Variants in MEOX2 observed in about 807,000 individuals in gnomAD.
MEOX2 encodes the protein homeobox protein MOX-2.
MEOX2 carries 11 observed loss-of-function variants against 27.0 expected under a neutral mutation model. That is an observed-to-expected ratio of 0.41 (90% CI 0.26 to 0.68). The LOEUF is 0.68. Among genes scored for constraint, MEOX2 ranks in the 30% least tolerant of loss-of-function variants. The pLI is 0.33. For missense variants in MEOX2, 436 were observed against 385.4 expected, an observed-to-expected ratio of 1.13 and a Z score of -1.10; for synonymous variants, 189 against 155.4, an observed-to-expected ratio of 1.22 and a Z score of -1.61.
chr7:15,624,053 T>C (rs371500925), intron 2 of MEOX2, among the ~76,000 whole-genome samples: 2 of 152,218 alleles, frequency 1.3e-5, no homozygotes, highest in South Asian at 2.1e-4. Context: ...CAAATCTACA[T>C]AGAAGAAAGA....
intron 2 of MEOX2, among the ~76,000 whole-genome samples, chr7:15,624,757 T>A (rs1401269738): frequency 6.6e-6 from 1 of 152,158 alleles, no homozygotes; most frequent in Non-Finnish European, 1.5e-5. Context: ...AAAACTTTGG[T>A]TATTATTTGA....
intron 1 of MEOX2, among the ~76,000 whole-genome samples, chr7:15,635,625 T>C (rs890172282): frequency 1.3e-5 from 2 of 152,028 alleles, no homozygotes; most frequent in African/African-American, 2.4e-5. Flanking sequence ...GCCTTAGCAA[T>C]TGAAAATTAT....
intron 1 of MEOX2, among the ~76,000 whole-genome samples, chr7:15,659,863 T>C (rs1007650688): frequency 6.6e-6 from 1 of 152,078 alleles, no homozygotes; most frequent in East Asian, 1.9e-4. Flanking sequence ...TATTCAAATA[T>C]TTATTTTATT....
In MEOX2 at chr7:15,657,365, T is replaced by C. The variant is rs1781839331; in HGVS notation, c.517+28521A>G. 2.0e-5 allele frequency among the ~76,000 whole-genome samples: 3 copies of C among 152,150 alleles called. No individual in the cohort carries two copies. The South Asian group carries it at 6.2e-4, about 32-fold the overall frequency. ...TTGGTCACAGTCTCACAGATCCATA[T>C]GGTAAAAATTTTTTTTCAATTTTCT... On this transcript the variant is annotated intron_variant, in intron 1 of 2. Coordinates refer to ENST00000262041, the MANE Select transcript of MEOX2 (RefSeq NM_005924.5).
chr7:15,629,836 C>A (rs1335090122), intron 1 of MEOX2, among the ~76,000 whole-genome samples: 1 of 152,046 alleles, frequency 6.6e-6, no homozygotes, highest in African/African-American at 2.4e-5. Flanking sequence ...ACTGCCATTA[C>A]CCAGCTAGAC....
intron 1 of MEOX2, among the ~76,000 whole-genome samples, chr7:15,641,307 A>C (rs1781557117): frequency 6.6e-6 from 1 of 152,110 alleles, no homozygotes; most frequent in Admixed American, 6.5e-5. Flanking sequence ...AGGGTAGTTA[A>C]ATCTTACTGA....
chr7:15,684,877 A>G (rs919988414), intron 1 of MEOX2, among the ~76,000 whole-genome samples: 1 of 152,260 alleles, frequency 6.6e-6, no homozygotes, highest in Non-Finnish European at 1.5e-5. Context: ...ACAGGTAGGT[A>G]AGAGCTTTGA....
intron 1 of MEOX2, among the ~76,000 whole-genome samples, chr7:15,676,523 A>C (rs1178263983): frequency 6.6e-6 from 1 of 152,138 alleles, no homozygotes; most frequent in African/African-American, 2.4e-5. Flanking sequence ...CCTTTTATTT[A>C]AATTCTGTTT....
intron 1 of MEOX2, among the ~76,000 whole-genome samples, chr7:15,641,689 T>C (rs530172110): frequency 1.6e-4 from 24 of 152,292 alleles, no homozygotes; most frequent in South Asian, 6.2e-4. Flanking sequence ...GTCCCAATTG[T>C]GTAATTGCTT....
At chr7:15,650,956 T>C (rs1322528225) in intron 1 of MEOX2, among the ~76,000 whole-genome samples, 3 of 151,886 alleles carry the variant, frequency 2.0e-5, no homozygotes, top group African/African-American at 2.4e-5. Context: ...TGAGGGCAGA[T>C]TGCATTTACA....
intron 1 of MEOX2, among the ~76,000 whole-genome samples, chr7:15,633,950 A>G (rs190657615): frequency 2.3e-4 from 35 of 152,032 alleles, no homozygotes; most frequent in Admixed American, 5.3e-4. Context: ...ACTGACCTTC[A>G]GCTTAGAAAA....
intron 1 of MEOX2, among the ~76,000 whole-genome samples, chr7:15,640,272 G>GTT (rs937802152): frequency 6.6e-6 from 1 of 151,850 alleles, no homozygotes; most frequent in Non-Finnish European, 1.5e-5. Flanking sequence ...GTGTGTGTGT[G>GTT]TGTGTGTGTT....
chr7:15,661,106 A>G (rs1458769113), intron 1 of MEOX2, among the ~76,000 whole-genome samples: 1 of 151,454 alleles, frequency 6.6e-6, no homozygotes, highest in East Asian at 1.9e-4. Context: ...GTCACAGGTG[A>G]ATAATAGCAT....
intron 1 of MEOX2, among the ~76,000 whole-genome samples, chr7:15,654,776 A>G (rs183914802): frequency 1.3e-4 from 19 of 151,866 alleles, no homozygotes; most frequent in Non-Finnish European, 2.4e-4. Flanking sequence ...TTTATATACT[A>G]CTGAATTTTA....
At chr7:15,619,769 T>G (rs918376126) in intron 2 of MEOX2, among the ~76,000 whole-genome samples, 2 of 152,108 alleles carry the variant, frequency 1.3e-5, no homozygotes, top group Admixed American at 1.3e-4. Context: ...TTAAGGCCAG[T>G]TCAATAAAGG....
chr7:15,631,393 T>A (rs1287163068), intron 1 of MEOX2, among the ~76,000 whole-genome samples: 1 of 151,902 alleles, frequency 6.6e-6, no homozygotes, highest in Non-Finnish European at 1.5e-5. Flanking sequence ...TTTAGTATTA[T>A]TGAAGATAGA....
rs953933219 is a variant in MEOX2, at chr7:15,628,074, CAA to C, written c.518-1158_518-1157del. 1.2e-4 allele frequency among the ~76,000 whole-genome samples: 19 copies of C among 152,046 alleles called. No individual in the cohort carries two copies. The East Asian group carries it at 1.7e-3, about 14-fold the overall frequency. ...AAAGATGATCATTAACCAAAGGTTT[CAA>C]AGAGTGACATTTTAATTGTTTTTTT... On this transcript the variant is annotated intron_variant, in intron 1 of 2. Transcript: ENST00000262041.
chr7:15,655,440 T>C (rs1781803829), intron 1 of MEOX2, among the ~76,000 whole-genome samples: 1 of 151,678 alleles, frequency 6.6e-6, no homozygotes, highest in African/African-American at 2.4e-5. Flanking sequence ...TTTATTTTGC[T>C]CTTTTTGTCT....
intron 1 of MEOX2, among the ~76,000 whole-genome samples, chr7:15,634,873 A>C (rs1381897701): frequency 6.6e-6 from 1 of 152,008 alleles, no homozygotes; most frequent in African/African-American, 2.4e-5. Flanking sequence ...TCAGAGGATT[A>C]TCCACATGGA....
Sources: allele counts gnomAD v4.1 joint callset (sites outside exome capture counted in the v4.1 genomes callset), GRCh38; gene constraint gnomAD v4.1.1; transcripts MANE v1.5; gene names NCBI Gene and HGNC (gene_info 2026-07-23, HGNC 2026-07-21).